PARP4: variants seen among roughly 807,000 people sequenced by gnomAD.
PARP4 encodes the protein poly(ADP-ribose) polymerase family member 4.
In PARP4, 120 loss-of-function variants were observed where a neutral mutation model predicts 187.7. The ratio of observed to expected loss-of-function variants is 0.64; its 90% CI spans 0.55 to 0.74. The LOEUF (loss-of-function observed/expected upper bound fraction) is 0.74, where lower values mean the gene tolerates loss of function less well. Among genes scored for constraint, PARP4 ranks in the 30% least tolerant of loss-of-function variants. The probability of loss-of-function intolerance (pLI) is 0.00; values close to 1 mark genes in which losing one functional copy is unlikely to be tolerated. For synonymous variants in PARP4, 654 were observed against 740.9 expected (o/e 0.88, Z 1.90); for missense variants, 1,836 against 2,070.5 (o/e 0.89, Z 2.20).
intron 22 of PARP4, among the ~76,000 whole-genome samples, chr13:24,454,128 T>G (rs1158369691): frequency 6.6e-6 from 1 of 152,206 alleles, no homozygotes; most frequent in African/African-American, 2.4e-5. Flanking sequence ...ACCACACTAT[T>G]TTTCTAAATG....
At chr13:24,456,693 G>C (rs763029698) in intron 20 of PARP4, among the ~76,000 whole-genome samples, 2 of 152,142 alleles carry the variant, frequency 1.3e-5, no homozygotes, top group African/African-American at 4.8e-5. Flanking sequence ...GGTGGGTGGA[G>C]TTTGAGGCCA....
At chr13:24,458,144 C>G (rs1196840799) in intron 20 of PARP4, among the ~76,000 whole-genome samples, 6 of 148,862 alleles carry the variant, frequency 4.0e-5, no homozygotes, top group South Asian at 4.2e-4. Flanking sequence ...GAGTCTCGCT[C>G]TGACGCCCAG....
At chr13:24,478,322 T>C (rs775193179) in intron 12 of PARP4, 46 bp from the exon 13 acceptor site, 4 of 1,296,036 alleles carry the variant, frequency 3.1e-6, no homozygotes, top group Non-Finnish European at 4.2e-6. Flanking sequence ...TTAGAGTGAC[T>C]TGTCAATAAC....
intron 4 of PARP4, among the ~76,000 whole-genome samples, chr13:24,500,047 T>TAA (rs1555240648): frequency 2.7e-5 from 4 of 150,816 alleles, no homozygotes; most frequent in East Asian, 3.9e-4. Context: ...GGTTTTTTTT[T>TAA]AAAAGAATTA....
At chr13:24,442,302 T>C (rs1232668096) in intron 29 of PARP4, among the ~76,000 whole-genome samples, 1 of 152,258 alleles carries the variant, frequency 6.6e-6, no homozygotes, top group African/African-American at 2.4e-5. Context: ...ACGCCAAAAC[T>C]GTAACAAAAT....
Position 24,460,442 on chromosome 13 carries a change from G to A in PARP4, c.2134-306C>T, listed in dbSNP as rs115353807. Among the ~76,000 whole-genome samples, 526 of 127,132 alleles carry A rather than the reference G, an allele frequency of 4.1e-3. 1 individual carries two copies. The highest frequency in any genetic ancestry group is 0.013 in the African/African-American group (495 of 36,808). The allele number at this position is 127,132 out of a possible 152,430, so 83.4% of individuals were successfully genotyped here. A position where few individuals can be genotyped will look rare whatever the true frequency, so the allele number is the denominator to read the frequency against. ...TCTCATGTGTGAGCTCTCTGCACACGTGGGCTCTGCTGCACGGGTGGGCTC... is the reference window on the plus strand; with the variant it reads ...TCTCATGTGTGAGCTCTCTGCACACATGGGCTCTGCTGCACGGGTGGGCTC... On this transcript the variant is annotated intron_variant, in intron 17 of 33. Coordinates refer to ENST00000381989, the MANE Select transcript of PARP4 (RefSeq NM_006437.4).
chr13:24,506,798 C>T (rs1869713341), intron 1 of PARP4, among the ~76,000 whole-genome samples: 1 of 152,250 alleles, frequency 6.6e-6, no homozygotes, highest in African/African-American at 2.4e-5. Context: ...GAGCTGCCTG[C>T]CAGTCCCATG....
chr13:24,472,010 G>A (rs929114875), intron 15 of PARP4, among the ~76,000 whole-genome samples: 24 of 152,136 alleles, frequency 1.6e-4, no homozygotes, highest in African/African-American at 5.1e-4. Flanking sequence ...TACAAACTCC[G>A]GATCCTTTGC....
Position 24,434,485 on chromosome 13 carries a change from A to G in PARP4, c.4656T>C (p.Phe1552=), listed in dbSNP as rs757154658. ...CDTKDDSILC[F]LEVKEEDEIV... is the part of the protein sequence containing the mutation. ...TTTCATCCTCTTCTTTTACTTCCAGAAAGCACAGGATACTGTCATCTTTTG... is the reference window on the plus strand; with the variant it reads ...TTTCATCCTCTTCTTTTACTTCCAGGAAGCACAGGATACTGTCATCTTTTG... The change falls in exon 31 of 34, where the codon TTT becomes TTC. Residue 1552 remains phenylalanine, a synonymous_variant. Transcript: ENST00000381989. The G allele has an allele frequency of 6.2e-7, 1 of 1,613,568 alleles. No homozygotes were observed. Among genetic ancestry groups the G allele is most frequent in the Non-Finnish European group, 8.5e-7 (1 of 1,179,574 alleles).
At chr13:24,437,001 C>T (rs1487559736) in intron 30 of PARP4, among the ~76,000 whole-genome samples, 5 of 152,018 alleles carry the variant, frequency 3.3e-5, no homozygotes, top group Non-Finnish European at 7.4e-5. Flanking sequence ...TAGTGATGGA[C>T]TAGAACTATC....
chr13:24,500,204 ATAAAT>A (rs1419581179), intron 4 of PARP4, 107 bp downstream of exon 4: 28 of 524,818 alleles, frequency 5.3e-5, no homozygotes, highest in Non-Finnish European at 8.3e-5. Context: ...GATATGCAAA[ATAAAT>A]TAAAATAAGA....
intron 27 of PARP4, among the ~76,000 whole-genome samples, chr13:24,444,320 C>T (rs1223311495): frequency 1.3e-5 from 2 of 152,298 alleles, no homozygotes; most frequent in South Asian, 2.1e-4. Context: ...ACCTTCTTTC[C>T]CCCTTAGATC....
intron 8 of PARP4, 49 bp downstream of exon 8, chr13:24,493,547 A>C (rs757892623): frequency 1.3e-6 from 2 of 1,573,010 alleles, no homozygotes; most frequent in Non-Finnish European, 1.7e-6. Context: ...AAGCCAATCA[A>C]CCAGGAGGCA....
chr13:24,435,003 A>G lies in PARP4; in HGVS notation c.4138T>C (p.Ser1380Pro). Residue 1380 changes from serine to proline, a missense_variant, in exon 31 of 34, where the codon TCG (serine) becomes CCG (proline). By Grantham distance (74) the Ser-to-Pro change is moderately conservative (BLOSUM62 -1). This residue lies in a region of PARP4 where 450 missense variants were observed against 439.2 expected (regional missense o/e 1.02). Transcript: ENST00000381989. ...PGTCADWIPQ[S>P]ASCPTGPPQN... ...GGAGGTCCTGTGGGACAAGACGCCG[A>G]CTGTGGGATCCAGTCAGCACAAGTG... is the stretch of plus-strand genomic sequence containing the variant. 6.2e-7 allele frequency: 1 copy of G among 1,613,948 alleles called. No homozygotes were observed. The highest frequency in any genetic ancestry group is 8.5e-7 in the Non-Finnish European group (1 of 1,180,032).
intron 27 of PARP4, among the ~76,000 whole-genome samples, chr13:24,444,958 T>C (rs7988810): frequency 0.34 from 51,997 of 152,028 alleles, 9,053 homozygotes; most frequent in Middle Eastern, 0.4. Context: ...TTACCAGAGG[T>C]GCTTCTATTC....
At chr13:24,507,403 C>G (rs1188582689) in intron 1 of PARP4, among the ~76,000 whole-genome samples, 1 of 152,192 alleles carries the variant, frequency 6.6e-6, no homozygotes, top group East Asian at 1.9e-4. Flanking sequence ...GGACACAGTG[C>G]CACTGCCTCC....
At chr13:24,433,553 G>C (rs1309200243) in intron 31 of PARP4, among the ~76,000 whole-genome samples, 4 of 152,180 alleles carry the variant, frequency 2.6e-5, no homozygotes, top group African/African-American at 4.8e-5. Flanking sequence ...GCAGAGCCAG[G>C]AGTGGCCGTG....
chr13:24,443,508 G>A, intron 28 of PARP4, 142 bp downstream of exon 28: 2 of 648,738 alleles, frequency 3.1e-6, no homozygotes, highest in Non-Finnish European at 5.5e-6. Flanking sequence ...CCCAGGCACA[G>A]TGTCACAGAT....
Position 24,460,137 on chromosome 13 carries a change from C to T in PARP4, c.2134-1G>A. On this transcript the variant is annotated splice_acceptor_variant, in intron 17 of 33. Transcript: ENST00000381989. LOFTEE classifies it high-confidence loss of function. ...TTCCAACACTTACAGTAAAAACGTCCTGAAACAGAAACATATGACTTAGCT... is the reference window on the plus strand; with the variant it reads ...TTCCAACACTTACAGTAAAAACGTCTTGAAACAGAAACATATGACTTAGCT... The T allele has an allele frequency of 6.2e-7, 1 of 1,611,376 alleles. No individual in the cohort carries two copies. The highest frequency in any genetic ancestry group is 8.5e-7 in the Non-Finnish European group (1 of 1,178,802).
Sources: gnomAD v4.1 joint callset for allele counts (sites outside exome capture counted in the v4.1 genomes callset) on GRCh38, gnomAD v4.1.1 for gene constraint, gnomAD v4.1.1 regional missense constraint, MANE v1.5 for transcripts, NCBI Gene and HGNC (gene_info 2026-07-23, HGNC 2026-07-21) for gene names.